Variants in VWA8 observed in about 807,000 individuals in gnomAD.
VWA8 encodes von Willebrand factor A domain containing 8.
In VWA8, 221 loss-of-function variants were observed where a neutral mutation model predicts 241.5. The ratio of observed to expected loss-of-function variants is 0.91; its 90% CI spans 0.82 to 1.02. The LOEUF (loss-of-function observed/expected upper bound fraction) is 1.02, where lower values mean the gene tolerates loss of function less well. Among genes scored for constraint, VWA8 ranks in the 50% least tolerant of loss-of-function variants. VWA8 has a pLI of 0.00. For missense variants in VWA8, 2,322 were observed against 2,328.7 expected (o/e 1.00, Z 0.06); for synonymous variants, 852 against 827.1 (o/e 1.03, Z -0.52).
At chr13:41,875,756 T>C (rs1873868558) in intron 9 of VWA8, among the ~76,000 whole-genome samples, 1 of 152,030 alleles carries the variant, frequency 6.6e-6, no homozygotes, top group Admixed American at 6.6e-5. Flanking sequence ...TCTATCTACA[T>C]TCACTTTTTA....
chr13:41,780,517 C>T (rs1201448618), intron 19 of VWA8, among the ~76,000 whole-genome samples: 4 of 152,122 alleles, frequency 2.6e-5, no homozygotes, highest in Non-Finnish European at 4.4e-5. Flanking sequence ...TTATCAACAT[C>T]CAACTAAACA....
At chr13:41,914,288 C>A (rs1304455412) in intron 2 of VWA8, among the ~76,000 whole-genome samples, 1 of 152,170 alleles carries the variant, frequency 6.6e-6, no homozygotes, top group Admixed American at 6.5e-5. Context: ...AAAATATCCG[C>A]AGGAGAGTAA....
rs188941190 is a variant in VWA8 at position 41,864,180 on chromosome 13, G to A, written c.1425+1556C>T. ...AAAAAGAAAGAAAAGTGTTAGGGAGGATGTAGAATAATTGGAACCATTGTG... is the reference window on the plus strand; with the variant it reads ...AAAAAGAAAGAAAAGTGTTAGGGAGAATGTAGAATAATTGGAACCATTGTG... On this transcript the variant is annotated intron_variant, in intron 12 of 44. Coordinates refer to ENST00000379310, the MANE Select transcript of VWA8 (RefSeq NM_015058.2). 2.5e-3 allele frequency among the ~76,000 whole-genome samples: 385 copies of A among 151,852 alleles called. 5 individuals are homozygous for A. The highest frequency in any genetic ancestry group is 0.022 in the Admixed American group (338 of 15,238).
chr13:41,569,237 T>G (rs568457572), intron 44 of VWA8, among the ~76,000 whole-genome samples: 1 of 152,254 alleles, frequency 6.6e-6, no homozygotes, highest in Non-Finnish European at 1.5e-5. Flanking sequence ...GGTATTATTG[T>G]GCTTTCTTAA....
At chr13:41,598,077 A>G (rs1291451741) in intron 40 of VWA8, among the ~76,000 whole-genome samples, 1 of 152,112 alleles carries the variant, frequency 6.6e-6, no homozygotes, top group African/African-American at 2.4e-5. Context: ...TCACATAGCA[A>G]TCAGAGGAAT....
intron 38 of VWA8, among the ~76,000 whole-genome samples, chr13:41,612,663 G>T (rs370598495): frequency 4.6e-5 from 7 of 152,236 alleles, no homozygotes; most frequent in African/African-American, 1.7e-4. Flanking sequence ...CCTATTTAGG[G>T]GTAGATTAGA....
At chr13:41,644,074 T>C (rs140210481) in intron 37 of VWA8, among the ~76,000 whole-genome samples, 156 of 152,270 alleles carry the variant, frequency 1.0e-3, no homozygotes, top group African/African-American at 3.5e-3. Context: ...ACAGACTTCA[T>C]TGAAATTTAA....
chr13:41,898,169 T>TTTAC (rs1278196766), intron 4 of VWA8, among the ~76,000 whole-genome samples: 1 of 150,668 alleles, frequency 6.6e-6, no homozygotes, highest in African/African-American at 2.5e-5. Flanking sequence ...GATTGGTGTA[T>TTTAC]TTACAATCCC....
intron 1 of VWA8, among the ~76,000 whole-genome samples, chr13:41,959,791 T>C (rs992871112): frequency 4.0e-5 from 6 of 151,386 alleles, no homozygotes; most frequent in African/African-American, 1.5e-4. Flanking sequence ...TTCTTTTTAG[T>C]AGACACGGGG....
chr13:41,756,781 T>C (rs1160435262), intron 21 of VWA8, among the ~76,000 whole-genome samples: 1 of 151,694 alleles, frequency 6.6e-6, no homozygotes, highest in Non-Finnish European at 1.5e-5. Context: ...TAAATTTAAA[T>C]TCATTTGTTT....
intron 35 of VWA8, among the ~76,000 whole-genome samples, chr13:41,682,422 A>G (rs1301527057): frequency 1.3e-5 from 2 of 152,364 alleles, no homozygotes. Context: ...TAGAACTATA[A>G]AACTTCTAGA....
At chr13:41,663,642 T>C (rs1280404420) in intron 37 of VWA8, among the ~76,000 whole-genome samples, 2 of 151,918 alleles carry the variant, frequency 1.3e-5, no homozygotes, top group Non-Finnish European at 2.9e-5. Flanking sequence ...AAGGATTATT[T>C]TTCCTCTCCC....
At chr13:41,601,864 G>A (rs761667387) in intron 40 of VWA8, among the ~76,000 whole-genome samples, 2 of 152,082 alleles carry the variant, frequency 1.3e-5, no homozygotes, top group African/African-American at 2.4e-5. Flanking sequence ...CAATGAGTGG[G>A]CCTGAGGCTG....
chr13:41,611,571 C>A lies in VWA8; in HGVS notation c.4877+5G>T, dbSNP rs777215843. Reference sequence around the variant, plus strand: ...TGCTGGTCTAAATGTGATGGGAGCACTGACCTCTGCTGGAATGCTCTCTGG... The same window carrying A: ...TGCTGGTCTAAATGTGATGGGAGCAATGACCTCTGCTGGAATGCTCTCTGG... On this transcript the variant is annotated splice_donor_5th_base_variant and intron_variant, in intron 39 of 44. Coordinates refer to ENST00000379310, the MANE Select transcript of VWA8 (RefSeq NM_015058.2). 6.2e-7 allele frequency: 1 copy of A among 1,613,848 alleles called. No homozygotes were observed. The highest frequency in any genetic ancestry group is 1.1e-5 in the South Asian group (1 of 91,030).
chr13:41,866,327 C>T (rs1205269671), intron 10 of VWA8, among the ~76,000 whole-genome samples: 2 of 149,000 alleles, frequency 1.3e-5, no homozygotes, highest in Non-Finnish European at 3.0e-5. Context: ...GCAGCCTGGG[C>T]AACAGAGCGA....
intron 26 of VWA8, among the ~76,000 whole-genome samples, chr13:41,714,083 A>G (rs964556496): frequency 6.6e-6 from 1 of 152,128 alleles, no homozygotes; most frequent in African/African-American, 2.4e-5. Flanking sequence ...CTGGATGGTA[A>G]CATTACAGGA....
Position 41,960,856 on chromosome 13 carries a change from T to C in VWA8, c.160A>G (p.Thr54Ala), listed in dbSNP as rs1878580083. ...ACAGGGGCGCACCCCGAGTTACCTG[T>C]GTCGGCCCCCGAGCCGGCGTGCAAC... Reference protein sequence around the residue: ...RLLHAGSGADTGDTVNIGDVS... With the variant: ...RLLHAGSGADAGDTVNIGDVS... The change falls in exon 1 of 45, where the codon ACA becomes GCA. Residue 54 changes from threonine to alanine, a missense_variant. By Grantham distance (58) the Thr-to-Ala change is moderately conservative (BLOSUM62 0). Transcript: ENST00000379310. 1.3e-6 allele frequency: 2 copies of C among 1,518,072 alleles called. No individual in the cohort carries two copies. The highest frequency in any genetic ancestry group is 2.0e-5 in the Admixed American group (1 of 49,834). 94.0% of individuals were successfully genotyped at this position (1,518,072 alleles called of 1,614,324 possible). A position where few individuals can be genotyped will look rare whatever the true frequency, so the allele number is the denominator to read the frequency against.
intron 37 of VWA8, among the ~76,000 whole-genome samples, chr13:41,626,724 G>A (rs2139671341): frequency 1.3e-5 from 2 of 152,226 alleles, no homozygotes; most frequent in Middle Eastern, 6.8e-3. Flanking sequence ...ATATGTGGAA[G>A]ATTGAAACTG....
chr13:41,757,632 G>A (rs1043740029), intron 21 of VWA8, among the ~76,000 whole-genome samples: 1 of 151,490 alleles, frequency 6.6e-6, no homozygotes, highest in Admixed American at 6.6e-5. Flanking sequence ...ATCTATTGTT[G>A]CCATCTTTAT....
Sources: gnomAD v4.1 joint callset for allele counts (sites outside exome capture counted in the v4.1 genomes callset) on GRCh38, gnomAD v4.1.1 for gene constraint, MANE v1.5 for transcripts, NCBI Gene and HGNC (gene_info 2026-07-23, HGNC 2026-07-21) for gene names.